The following PLPPR1 variants were observed in gnomAD, a reference collection of about 807,000 sequenced individuals.
PLPPR1 encodes phospholipid phosphatase related 1.
In PLPPR1, 10 loss-of-function variants were observed where a neutral mutation model predicts 33.1. The observed-to-expected ratio is 0.30, with a 90% CI of 0.19 to 0.51. The LOEUF (loss-of-function observed/expected upper bound fraction) is 0.51. Ranked by LOEUF, PLPPR1 falls within the 20% of genes least tolerant of loss-of-function variation. The pLI is 0.97. For synonymous variants in PLPPR1, 151 were observed against 151.0 expected (o/e 1.00, Z 0.00); for missense variants, 304 against 408.1 (o/e 0.74, Z 2.20).
At chr9:101,281,541 G>A (rs1009754940) in intron 3 of PLPPR1, among the ~76,000 whole-genome samples, 1 of 152,016 alleles carries the variant, frequency 6.6e-6, no homozygotes, top group Non-Finnish European at 1.5e-5. Flanking sequence ...ATACAGCATG[G>A]TGCTGCCATG....
At chr9:101,108,357 C>A (rs1831005421) in intron 1 of PLPPR1, among the ~76,000 whole-genome samples, 1 of 152,130 alleles carries the variant, frequency 6.6e-6, no homozygotes. Flanking sequence ...ACTTCGTATT[C>A]CTGACTGATA....
At chr9:101,298,980 C>T (rs1433674482) in intron 4 of PLPPR1, among the ~76,000 whole-genome samples, 8 of 152,118 alleles carry the variant, frequency 5.3e-5, no homozygotes, top group Non-Finnish European at 1.0e-4. Flanking sequence ...AACAGATGCC[C>T]AGGGAACCAG....
At chr9:101,317,709 T>C (rs1319596603) in intron 7 of PLPPR1, among the ~76,000 whole-genome samples, 1 of 152,138 alleles carries the variant, frequency 6.6e-6, no homozygotes, top group East Asian at 1.9e-4. Flanking sequence ...CCTCAGAGAG[T>C]TCTTAGTAAT....
chr9:101,178,073 G>C (rs905496850), intron 1 of PLPPR1, among the ~76,000 whole-genome samples: 2 of 152,196 alleles, frequency 1.3e-5, no homozygotes, highest in Admixed American at 1.3e-4. Flanking sequence ...TATCCCATAT[G>C]AGTGCTTACC....
At chr9:101,109,140 T>G (rs1257885944) in intron 1 of PLPPR1, among the ~76,000 whole-genome samples, 1 of 146,612 alleles carries the variant, frequency 6.8e-6, no homozygotes, top group Non-Finnish European at 1.5e-5. Flanking sequence ...TTGTATTTTT[T>G]TTTTTTTTTT....
At chr9:101,297,731 T>C (rs1275629388) in intron 4 of PLPPR1, among the ~76,000 whole-genome samples, 1 of 152,230 alleles carries the variant, frequency 6.6e-6, no homozygotes, top group Non-Finnish European at 1.5e-5. Flanking sequence ...CTGTACTTTA[T>C]AAAAACAAAT....
At chr9:101,176,964 A>G (rs1826027884) in intron 1 of PLPPR1, among the ~76,000 whole-genome samples, 2 of 152,190 alleles carry the variant, frequency 1.3e-5, no homozygotes, top group South Asian at 4.1e-4. Context: ...AATTACAAAT[A>G]TCTTTGAAAC....
Position 101,102,041 on chromosome 9 carries a change from T to C in PLPPR1, c.-46+72939T>C, listed in dbSNP as rs150010218. Among the ~76,000 whole-genome samples, 58 of 151,706 alleles carry C rather than the reference T, an allele frequency of 3.8e-4. No homozygotes were observed. In the East Asian group the frequency reaches 0.01, roughly 27 times the overall value. ...GTTTCTAGTAATTTTTATGTAATTG[T>C]CTGCTTTCCCATTATACTATAAGCT... On this transcript the variant is annotated intron_variant, in intron 1 of 7. Coordinates refer to ENST00000374874, the MANE Select transcript of PLPPR1 (RefSeq NM_207299.2).
chr9:101,283,622 C>T (rs1004353566), intron 3 of PLPPR1, among the ~76,000 whole-genome samples: 6 of 152,062 alleles, frequency 3.9e-5, no homozygotes, highest in African/African-American at 1.2e-4. Context: ...AACCCAAAAG[C>T]ACAGGCAACA....
At chr9:101,306,595 A>G (rs2118950389) in intron 4 of PLPPR1, among the ~76,000 whole-genome samples, 1 of 152,356 alleles carries the variant, frequency 6.6e-6, no homozygotes, top group South Asian at 2.1e-4. Flanking sequence ...TCTGTTGTAA[A>G]TTGGAAAATC....
At chr9:101,313,970 T>C (rs1254191508) in intron 6 of PLPPR1, among the ~76,000 whole-genome samples, 1 of 152,238 alleles carries the variant, frequency 6.6e-6, no homozygotes, top group Non-Finnish European at 1.5e-5. Context: ...ATCTATGTTG[T>C]AGAATGTATC....
intron 1 of PLPPR1, chr9:101,125,688 T>C: frequency 1.6e-6 from 1 of 632,942 alleles, no homozygotes. Context: ...ATGACCATTG[T>C]AACATTACAG....
chr9:101,098,772 G>A (rs888194793), intron 1 of PLPPR1, among the ~76,000 whole-genome samples: 10 of 152,312 alleles, frequency 6.6e-5, no homozygotes, highest in African/African-American at 2.4e-4. Context: ...GAATTCCTGA[G>A]TTCCATCCTG....
At chr9:101,184,559 C>A (rs185577558) in intron 1 of PLPPR1, among the ~76,000 whole-genome samples, 2 of 151,954 alleles carry the variant, frequency 1.3e-5, no homozygotes, top group Middle Eastern at 3.4e-3. Context: ...ACTTTAAGAG[C>A]AGATATCTGA....
At chr9:101,105,127 GT>G (rs751630333) in intron 1 of PLPPR1, among the ~76,000 whole-genome samples, 8 of 28 alleles carry the variant, frequency 0.29, no homozygotes, top group East Asian at 0.5. Context: ...TTTTTGAAGG[GT>G]TTTTTGTGTC....
At chr9:101,196,033 C>T (rs1826387844) in intron 2 of PLPPR1, among the ~76,000 whole-genome samples, 1 of 152,256 alleles carries the variant, frequency 6.6e-6, no homozygotes, top group East Asian at 1.9e-4. Context: ...GCACAGGTAG[C>T]TGGTAAATTC....
intron 1 of PLPPR1, among the ~76,000 whole-genome samples, chr9:101,038,672 C>T (rs998698674): frequency 1.3e-5 from 2 of 152,096 alleles, no homozygotes; most frequent in African/African-American, 2.4e-5. Context: ...AAATCAACCC[C>T]CACATCAAGA....
intron 2 of PLPPR1, among the ~76,000 whole-genome samples, chr9:101,221,267 C>T (rs1826931000): frequency 1.3e-5 from 2 of 152,116 alleles, no homozygotes; most frequent in South Asian, 2.1e-4. Context: ...CCCAAGTCTC[C>T]AAAATCCATT....
chr9:101,209,591 T>C (rs1826652919), intron 2 of PLPPR1, among the ~76,000 whole-genome samples: 1 of 152,154 alleles, frequency 6.6e-6, no homozygotes, highest in Non-Finnish European at 1.5e-5. Context: ...ACCAATCACA[T>C]GAGGGACTGA....
Sources: allele counts gnomAD v4.1 joint callset (sites outside exome capture counted in the v4.1 genomes callset), GRCh38; gene constraint gnomAD v4.1.1; transcripts MANE v1.5; gene names NCBI Gene and HGNC (gene_info 2026-07-23, HGNC 2026-07-21).